The following MAPK14 variants were observed in gnomAD, a reference collection of about 807,000 sequenced individuals.
The protein encoded by MAPK14 is CSAID-binding protein.
MAPK14 carries 16 observed loss-of-function variants against 49.6 expected under a neutral mutation model. The observed-to-expected ratio is 0.32, with a 90% CI of 0.22 to 0.49. The LOEUF is 0.49. MAPK14 is among the 20% of genes least tolerant of loss of function. MAPK14 has a pLI of 0.99. For synonymous variants in MAPK14, 142 were observed against 158.0 expected (o/e 0.90, Z 0.76); for missense variants, 200 against 441.2 (o/e 0.45, Z 4.90).
At chr6:36,102,805 C>T in intron 10 of MAPK14, 156 bp downstream of exon 10, 3 of 1,358,562 alleles carry the variant, frequency 2.2e-6, no homozygotes, top group Non-Finnish European at 3.0e-6. Context: ...TTTGTGTTGT[C>T]AGATTTTTTT....
At chr6:36,060,556 T>A (rs1763777635) in intron 3 of MAPK14, among the ~76,000 whole-genome samples, 1 of 152,106 alleles carries the variant, frequency 6.6e-6, no homozygotes, top group African/African-American at 2.4e-5. Context: ...TTCCTTAACC[T>A]CCATTCCCCC....
At chr6:36,043,804 C>CTTTTTTT (rs796534477) in intron 1 of MAPK14, among the ~76,000 whole-genome samples, 47 of 90,366 alleles carry the variant, frequency 5.2e-4, no homozygotes, top group East Asian at 1.4e-3. Context: ...CTTTTTCTTT[C>CTTTTTTT]TTTTTTTTTT....
At chr6:36,036,700 C>G (rs1368943525) in intron 1 of MAPK14, among the ~76,000 whole-genome samples, 1 of 152,164 alleles carries the variant, frequency 6.6e-6, no homozygotes, top group African/African-American at 2.4e-5. Context: ...TTGCTGAAGG[C>G]TCAGGTGACC....
At chr6:36,094,035 G>C (rs1765352709) in intron 8 of MAPK14, among the ~76,000 whole-genome samples, 1 of 152,092 alleles carries the variant, frequency 6.6e-6, no homozygotes, top group Non-Finnish European at 1.5e-5. Flanking sequence ...TAATTAATCT[G>C]ATTATTTTAG....
intron 8 of MAPK14, among the ~76,000 whole-genome samples, chr6:36,078,558 A>T (rs1479895478): frequency 6.6e-6 from 1 of 152,222 alleles, no homozygotes; most frequent in Non-Finnish European, 1.5e-5. Flanking sequence ...TGCCTGTAGG[A>T]AATCTTCCCT....
At chr6:36,088,639 G>A (rs1765088297) in intron 8 of MAPK14, among the ~76,000 whole-genome samples, 1 of 151,470 alleles carries the variant, frequency 6.6e-6, no homozygotes, top group Admixed American at 6.6e-5. Context: ...GGAGAATGAC[G>A]TGAACCCAGG....
At chr6:36,040,319 T>C (rs1762917320) in intron 1 of MAPK14, among the ~76,000 whole-genome samples, 1 of 152,094 alleles carries the variant, frequency 6.6e-6, no homozygotes, top group South Asian at 2.1e-4. Flanking sequence ...TCTTGACGGG[T>C]AGGGAGGGCA....
At position 36,108,488 on chromosome 6, in the gene MAPK14, G is replaced by C. The variant is rs200142012; in HGVS notation, c.*41G>C. 1.3e-6 allele frequency: 2 copies of C among 1,499,246 alleles called. No individual in the cohort carries two copies. Among genetic ancestry groups the C allele is most frequent in the Non-Finnish European group, 1.9e-6 (2 of 1,075,200 alleles). The allele number at this position is 1,499,246 out of a possible 1,614,324, so 92.9% of individuals were successfully genotyped here. A position where few individuals can be genotyped will look rare whatever the true frequency, so the allele number is the denominator to read the frequency against. ...TCTGTTGATCCCACTTCACTGTGAG[G>C]GGAAGGCCTTTTCACGGGAACTCTC... On this transcript the variant is annotated 3_prime_UTR_variant, in exon 12 of 12. Transcript: ENST00000229794.
At chr6:36,044,995 T>A (rs915181955) in intron 1 of MAPK14, among the ~76,000 whole-genome samples, 14 of 152,178 alleles carry the variant, frequency 9.2e-5, no homozygotes, top group Middle Eastern at 3.4e-3. Flanking sequence ...TAGCGAAGCT[T>A]GGTGGCACAT....
intron 3 of MAPK14, among the ~76,000 whole-genome samples, chr6:36,060,567 A>G (rs1763778024): frequency 1.3e-5 from 2 of 152,120 alleles, no homozygotes; most frequent in African/African-American, 4.8e-5. Context: ...CCATTCCCCC[A>G]TTGACCCCAG....
intron 8 of MAPK14, among the ~76,000 whole-genome samples, chr6:36,094,696 A>G (rs531406111): frequency 3.9e-5 from 6 of 152,324 alleles, no homozygotes; most frequent in East Asian, 3.9e-4. Context: ...ACTACCTGTC[A>G]TGTACCAGAT....
the MAPK14 span, among the ~76,000 whole-genome samples, chr6:36,116,710 G>A: frequency 3.9e-5 from 6 of 152,176 alleles, no homozygotes; most frequent in Non-Finnish European, 8.8e-5. Flanking sequence ...GGAGTCCTAA[G>A]AAGTGAAACC....
chr6:36,033,620 T>G (rs909774269), intron 1 of MAPK14, among the ~76,000 whole-genome samples: 1 of 152,226 alleles, frequency 6.6e-6, no homozygotes, highest in African/African-American at 2.4e-5. Flanking sequence ...CAGCCTCCAC[T>G]GGTTCTTCTT....
chr6:36,111,980 G>A (rs1430079108), downstream of MAPK14, among the ~76,000 whole-genome samples: 1 of 152,164 alleles, frequency 6.6e-6, no homozygotes, highest in Non-Finnish European at 1.5e-5. Context: ...GCTGAGGCGG[G>A]CAGATCACGA....
intron 3 of MAPK14, among the ~76,000 whole-genome samples, chr6:36,063,113 G>A (rs1374881356): frequency 1.3e-5 from 2 of 152,136 alleles, no homozygotes; most frequent in Non-Finnish European, 2.9e-5. Flanking sequence ...ACATCATAGA[G>A]TATACTTCCA....
Position 36,096,145 on chromosome 6 carries a change from G to A in MAPK14, c.762+79G>A. The A allele has an allele frequency of 4.0e-6, 4 of 1,001,164 alleles. No homozygotes were observed. The South Asian group carries it at 4.0e-5, about 10-fold the overall frequency. The allele number at this position is 1,001,164 out of a possible 1,614,324, so 62.0% of individuals were successfully genotyped here. On this transcript the variant is annotated intron_variant, in intron 9 of 11. Coordinates refer to ENST00000229794, the MANE Select transcript of MAPK14 (RefSeq NM_139012.3). ...TTCTACCAATCTGTACTTTGACCTGGGTGTGTTTGTAAGCACACATGCCCT... is the reference window on the plus strand; with the variant it reads ...TTCTACCAATCTGTACTTTGACCTGAGTGTGTTTGTAAGCACACATGCCCT...
intron 8 of MAPK14, among the ~76,000 whole-genome samples, chr6:36,083,438 C>T (rs1764846060): frequency 6.6e-6 from 1 of 152,230 alleles, no homozygotes; most frequent in African/African-American, 2.4e-5. Context: ...CTGGAGACTA[C>T]ATAAGACTAC....
At chr6:36,062,007 C>A (rs545924036) in intron 3 of MAPK14, among the ~76,000 whole-genome samples, 1 of 152,182 alleles carries the variant, frequency 6.6e-6, no homozygotes, top group South Asian at 2.1e-4. Context: ...CAGCGTCTTG[C>A]CCTGTTGTCA....
intron 2 of MAPK14, among the ~76,000 whole-genome samples, chr6:36,058,905 GAGTC>G (rs922500695): frequency 6.9e-6 from 1 of 145,128 alleles, no homozygotes; most frequent in African/African-American, 2.6e-5. Flanking sequence ...TTTTGAGACA[GAGTC>G]TCACTCTGCA....
Sources: gnomAD v4.1 joint callset for allele counts (sites outside exome capture counted in the v4.1 genomes callset) on GRCh38, gnomAD v4.1.1 for gene constraint, MANE v1.5 for transcripts, NCBI Gene and HGNC (gene_info 2026-07-23, HGNC 2026-07-21) for gene names.